The following ALX4 variants were observed in gnomAD, a reference collection of about 807,000 sequenced individuals.
ALX4 encodes the protein homeobox protein aristaless-like 4.
ALX4 carries 22 observed loss-of-function variants against 40.6 expected under a neutral mutation model. The ratio of observed to expected loss-of-function variants is 0.54; its 90% CI spans 0.39 to 0.77. The LOEUF (loss-of-function observed/expected upper bound fraction) is 0.77. ALX4 is among the 30% of genes least tolerant of loss of function. The pLI is 0.00. For missense variants in ALX4, 556 were observed against 564.8 expected, an observed-to-expected ratio of 0.98 and a Z score of 0.16; for synonymous variants, 266 against 240.5, an observed-to-expected ratio of 1.11 and a Z score of -0.98.
chr11:44,278,758 G>A (rs1956292339), intron 1 of ALX4, among the ~76,000 whole-genome samples: 1 of 152,200 alleles, frequency 6.6e-6, no homozygotes, highest in African/African-American at 2.4e-5. Context: ...CTACAAATAG[G>A]GAGAGCGGGG....
At chr11:44,276,767 A>G (rs536587751) in intron 1 of ALX4, among the ~76,000 whole-genome samples, 281 of 152,316 alleles carry the variant, frequency 1.8e-3, no homozygotes, top group Middle Eastern at 3.4e-3. Context: ...ATCATCAGGC[A>G]TCAGATTCTC....
intron 1 of ALX4, among the ~76,000 whole-genome samples, chr11:44,294,193 A>G (rs2119862016): frequency 6.6e-6 from 1 of 152,334 alleles, no homozygotes; most frequent in African/African-American, 2.4e-5. Context: ...CAAATTGAGG[A>G]TACTAATATC....
At chr11:44,284,725 C>T (rs1260549683) in intron 1 of ALX4, among the ~76,000 whole-genome samples, 2 of 152,188 alleles carry the variant, frequency 1.3e-5, no homozygotes, top group East Asian at 1.9e-4. Flanking sequence ...CGCACTCCTG[C>T]GGGCACCCTT....
At chr11:44,278,866 A>T (rs1956293173) in intron 1 of ALX4, among the ~76,000 whole-genome samples, 1 of 152,162 alleles carries the variant, frequency 6.6e-6, no homozygotes, top group Non-Finnish European at 1.5e-5. Context: ...TGTGTCAGAG[A>T]TGGAAGGAAT....
At chr11:44,285,921 C>A (rs1193265427) in intron 1 of ALX4, among the ~76,000 whole-genome samples, 1 of 152,148 alleles carries the variant, frequency 6.6e-6, no homozygotes, top group Non-Finnish European at 1.5e-5. Context: ...GGGGCCTGGG[C>A]CTCGTGTGAG....
intron 1 of ALX4, among the ~76,000 whole-genome samples, chr11:44,287,741 G>C (rs1956347522): frequency 6.6e-6 from 1 of 152,182 alleles, no homozygotes; most frequent in Non-Finnish European, 1.5e-5. Context: ...CAGGAGACAG[G>C]GTCAAGGAGG....
At position 44,262,111 on chromosome 11, in the gene ALX4, C is replaced by G. The variant is rs1956186120; in HGVS notation, c.*2743G>C. On this transcript the variant is annotated 3_prime_UTR_variant, in exon 4 of 4. Transcript: ENST00000652299. ...GGCCGCCCCTGGTGCCAACGAAGCC[C>G]AGGCCCTCACACCCTGGGTGGCACG... 1 of 152,436 alleles carries G rather than the reference C, an allele frequency of 6.6e-6. No homozygotes were observed. The highest frequency in any genetic ancestry group is 2.4e-5 in the African/African-American group (1 of 41,456). The allele number at this position is 152,436 out of a possible 1,614,324, so 9.4% of individuals were successfully genotyped here.
At chr11:44,267,225 G>T (rs1480923119) in intron 3 of ALX4, among the ~76,000 whole-genome samples, 1 of 152,194 alleles carries the variant, frequency 6.6e-6, no homozygotes, top group Non-Finnish European at 1.5e-5. Flanking sequence ...CACAGCAAAA[G>T]TGGCCAAAGC....
At chr11:44,273,870 T>C (rs1025525373) in intron 2 of ALX4, among the ~76,000 whole-genome samples, 2 of 152,126 alleles carry the variant, frequency 1.3e-5, no homozygotes, top group African/African-American at 2.4e-5. Flanking sequence ...GGAGGATCCA[T>C]TGAGCCCACG....
chr11:44,270,515 G>A (rs1369419256), intron 2 of ALX4, among the ~76,000 whole-genome samples: 1 of 152,038 alleles, frequency 6.6e-6, no homozygotes, highest in Non-Finnish European at 1.5e-5. Flanking sequence ...CAGTAAATTG[G>A]AGGCAGCAAG....
chr11:44,275,606 C>G lies in ALX4; in HGVS notation c.519G>C (p.Val173=). 6.2e-7 allele frequency: 1 copy of G among 1,614,004 alleles called. No individual in the cohort carries two copies. The highest frequency in any genetic ancestry group is 8.5e-7 in the Non-Finnish European group (1 of 1,179,920). ...EPELPPDSDT[V]GMDSSYLSVK... ...CACTCAGGTAGCTGCTGTCCATCCC[C>G]ACAGTGTCAGAGTCAGGGGGTAACT... Residue 173 remains valine, a synonymous_variant, in exon 2 of 4, where the codon GTG becomes GTC. Transcript: ENST00000652299.
chr11:44,279,825 C>T (rs7126781), intron 1 of ALX4, among the ~76,000 whole-genome samples: 6,055 of 152,318 alleles, frequency 0.04, 150 homozygotes, highest in African/African-American at 0.047. Context: ...ATGTCAGTTC[C>T]CCAGGGGCTG....
chr11:44,293,918 G>A (rs917544133), intron 1 of ALX4, among the ~76,000 whole-genome samples: 7 of 152,186 alleles, frequency 4.6e-5, no homozygotes, highest in African/African-American at 9.7e-5. Flanking sequence ...GTGTCTGGGC[G>A]GTCAGGGGAC....
chr11:44,270,845 G>A (rs1054648713), intron 2 of ALX4, among the ~76,000 whole-genome samples: 7 of 152,242 alleles, frequency 4.6e-5, no homozygotes, highest in African/African-American at 1.2e-4. Flanking sequence ...CTGTCTTGGC[G>A]GAGGCCTCGC....
chr11:44,309,196 C>CCGCAGCCT lies in ALX4; in HGVS notation c.466+400_466+401insAGGCTGCG, dbSNP rs1298226578. Among the ~76,000 whole-genome samples the CCGCAGCCT allele has an allele frequency of 5.8e-3, 869 of 150,592 alleles. 10 individuals carry two copies. Among genetic ancestry groups the CCGCAGCCT allele is most frequent in the African/African-American group, 0.02 (838 of 41,044 alleles). On this transcript the variant is annotated intron_variant, in intron 1 of 3. Transcript: ENST00000652299. ...CCCGCAGCCTCGCAGCCCCGCAGCC[C>CCGCAGCCT]CGCAGCCCCGCAGCCCCGCAGCCCC...
At chr11:44,275,185 G>C (rs1189066784) in intron 2 of ALX4, among the ~76,000 whole-genome samples, 163 bp downstream of exon 2, 1 of 152,166 alleles carries the variant, frequency 6.6e-6, no homozygotes, top group Admixed American at 6.5e-5. Context: ...TGGGACAGGG[G>C]CATGAGGGGC....
At chr11:44,293,099 A>AGAAG (rs1172183534) in intron 1 of ALX4, among the ~76,000 whole-genome samples, 109 of 37,174 alleles carry the variant, frequency 2.9e-3, no homozygotes, top group East Asian at 0.017. Context: ...CCTGTCTGAG[A>AGAAG]GAAGGAAGGA....
At chr11:44,309,281 A>G (rs1027529913) in intron 1 of ALX4, among the ~76,000 whole-genome samples, 3 of 149,650 alleles carry the variant, frequency 2.0e-5, no homozygotes, top group African/African-American at 7.3e-5. Flanking sequence ...CTGGGCCGGT[A>G]AGAAGCATCC....
At chr11:44,291,755 A>G (rs1208330906) in intron 1 of ALX4, among the ~76,000 whole-genome samples, 8 of 152,184 alleles carry the variant, frequency 5.3e-5, no homozygotes. Context: ...TCCCAGAAAG[A>G]ATGTGCTGCT....
Sources: gnomAD v4.1 joint callset for allele counts (sites outside exome capture counted in the v4.1 genomes callset) on GRCh38, gnomAD v4.1.1 for gene constraint, MANE v1.5 for transcripts, NCBI Gene and HGNC (gene_info 2026-07-23, HGNC 2026-07-21) for gene names.